The following UGT1A5 variants were observed in gnomAD, a reference collection of about 807,000 sequenced individuals.
UGT1A5 encodes UDP-glucuronosyltransferase 1A5.
In UGT1A5, 29 loss-of-function variants were observed where a neutral mutation model predicts 40.3. The ratio of observed to expected loss-of-function variants is 0.72; its 90% confidence interval spans 0.54 to 0.98. UGT1A5 has a LOEUF of 0.98. Ranked by LOEUF, UGT1A5 falls within the 50% of genes least tolerant of loss-of-function variation. The pLI is 0.00. For missense variants in UGT1A5, 678 were observed against 677.9 expected (o/e 1.00, Z 0.00); for synonymous variants, 257 against 262.5 (o/e 0.98, Z 0.20).
chr2:233,767,408 G>A (rs1042627267), intron 2 of UGT1A5, among the ~76,000 whole-genome samples: 3 of 152,112 alleles, frequency 2.0e-5, no homozygotes, highest in Non-Finnish European at 2.9e-5. Flanking sequence ...TTCTCTAAGA[G>A]ACTCAAAAGT....
At position 233,763,858 on chromosome 2, in the gene UGT1A5, C is replaced by T. The variant is rs577598991; in HGVS notation, c.868-3176C>T. ...GGGTAAGATAGCAGTGGTTCACAGA[C>T]AATCGCAATGCTGGGTCTGAGAAAA... On this transcript the variant is annotated intron_variant, in intron 1 of 4. Transcript: ENST00000373414. 5.1e-4 allele frequency among the ~76,000 whole-genome samples: 77 copies of T among 152,246 alleles called. 2 individuals carry two copies. The South Asian group carries it at 0.016, about 31-fold the overall frequency.
chr2:233,752,486 G>A (rs1051165548), intron 1 of UGT1A5: 1 of 152,154 alleles, frequency 6.6e-6, no homozygotes, highest in African/African-American at 2.4e-5. Context: ...TTATGTTTTT[G>A]AGATGAGACA....
chr2:233,730,522 G>A (rs45560734), intron 1 of UGT1A5, among the ~76,000 whole-genome samples: 4,919 of 152,208 alleles, frequency 0.032, 260 homozygotes, highest in African/African-American at 0.11. Flanking sequence ...TGGAAGTGGG[G>A]CAATGAAGTT....
chr2:233,717,731 T>C (rs923613930), intron 1 of UGT1A5: 5 of 456,000 alleles, frequency 1.1e-5, no homozygotes, highest in Non-Finnish European at 2.2e-5. Context: ...GAGACCATTG[T>C]GAGTGCTCAG....
chr2:233,729,788 C>G, intron 1 of UGT1A5: 1 of 1,613,954 alleles, frequency 6.2e-7, no homozygotes, highest in Non-Finnish European at 8.5e-7. Flanking sequence ...CTGGCCCTGT[C>G]CTACATTTGC....
rs186714678 is a variant in UGT1A5 at position 233,744,068 on chromosome 2, C to T, written c.868-22966C>T. On this transcript the variant is annotated intron_variant, in intron 1 of 4. Coordinates refer to ENST00000373414, the MANE Select transcript of UGT1A5 (RefSeq NM_019078.2). ...CATCTCATTGGTCGAGGCCTATGAG[C>T]GCCTCGCATCCCAAGATGCAGTGCT... is the stretch of plus-strand genomic sequence containing the variant. 2.4e-4 allele frequency: 123 copies of T among 517,010 alleles called. 1 individual carries two copies. Among genetic ancestry groups the T allele is most frequent in the African/African-American group, 1.6e-3 (78 of 49,160 alleles). 32.0% of individuals were successfully genotyped at this position (517,010 alleles called of 1,614,324 possible).
intron 1 of UGT1A5, among the ~76,000 whole-genome samples, chr2:233,725,586 A>T (rs1194596370): frequency 6.6e-6 from 1 of 152,166 alleles, no homozygotes; most frequent in Non-Finnish European, 1.5e-5. Flanking sequence ...TTATGACTTA[A>T]CTATTTGACA....
chr2:233,768,152 A>G, intron 3 of UGT1A5, 68 bp from the exon 4 acceptor site: 1 of 1,612,626 alleles, frequency 6.2e-7, no homozygotes, highest in Non-Finnish European at 8.5e-7. Flanking sequence ...TGTTTTCAGA[A>G]CCTAGATGTG....
At chr2:233,763,256 T>A (rs1698270689) in intron 1 of UGT1A5, among the ~76,000 whole-genome samples, 1 of 152,234 alleles carries the variant, frequency 6.6e-6, no homozygotes. Flanking sequence ...GTAACCTGTT[T>A]TGTCTTGTTG....
intron 1 of UGT1A5, among the ~76,000 whole-genome samples, chr2:233,716,864 C>T (rs1229406497): frequency 2.0e-5 from 3 of 152,102 alleles, no homozygotes; most frequent in Non-Finnish European, 2.9e-5. Context: ...GCTGATGGCT[C>T]CAAGTCTATC....
intron 1 of UGT1A5, chr2:233,743,844 TGCGGTACGC>T: frequency 7.3e-7 from 1 of 1,367,272 alleles, no homozygotes; most frequent in Non-Finnish European, 9.8e-7. Context: ...AGCGCCAGCT[TGCGGTACGC>T]CTTCTTGATG....
At chr2:233,760,175 C>T (rs2125979710) in intron 1 of UGT1A5, 1 of 1,540,768 alleles carries the variant, frequency 6.5e-7, no homozygotes, top group Non-Finnish European at 8.7e-7. Flanking sequence ...GGACTGACAG[C>T]TTTTTATAGT....
intron 1 of UGT1A5, chr2:233,747,358 G>T: frequency 6.2e-7 from 1 of 1,603,224 alleles, no homozygotes; most frequent in African/African-American, 1.3e-5. Context: ...GAGGCCGTGC[G>T]GGAGCTCCAT....
Position 233,746,095 on chromosome 2 carries a change from T to C in UGT1A5, c.868-20939T>C, listed in dbSNP as rs1329833739. On this transcript the variant is annotated intron_variant, in intron 1 of 4. Coordinates refer to ENST00000373414, the MANE Select transcript of UGT1A5 (RefSeq NM_019078.2). Reference sequence around the variant, plus strand: ...GAGGAGTCACTTCTATACAGAAACATGTCCAGAGTGCTTACTGTCTGCAAA... The same window carrying C: ...GAGGAGTCACTTCTATACAGAAACACGTCCAGAGTGCTTACTGTCTGCAAA... Among the ~76,000 whole-genome samples the C allele has an allele frequency of 2.0e-5, 3 of 151,920 alleles. No homozygotes were observed. The East Asian group carries it at 5.8e-4, about 29-fold the overall frequency.
Position 233,761,080 on chromosome 2 carries a change from C to T in UGT1A5, c.868-5954C>T, listed in dbSNP as rs760907397. On this transcript the variant is annotated intron_variant, in intron 1 of 4. Transcript: ENST00000373414. ...TAGAAGTGACTTTGTGAAGGATTAC[C>T]CTAGGCCCATCATGCCCAATATGGT... The T allele has an allele frequency of 5.0e-6, 8 of 1,614,034 alleles. No individual in the cohort carries two copies. The highest frequency in any genetic ancestry group is 1.3e-5 in the African/African-American group (1 of 74,910).
At chr2:233,717,067 A>C (rs1289809173) in intron 1 of UGT1A5, among the ~76,000 whole-genome samples, 2 of 152,174 alleles carry the variant, frequency 1.3e-5, no homozygotes, top group Non-Finnish European at 2.9e-5. Flanking sequence ...GGAGTGCCAG[A>C]CACGTAACCA....
At position 233,760,758 on chromosome 2, in the gene UGT1A5, C is replaced by T. The variant is rs765894633; in HGVS notation, c.868-6276C>T. The stretch of plus-strand genomic sequence containing the variant: ...TGACGGACCCTTTCCTTCCTTGCAG[C>T]CCCATCGTGGCCCAGTACCTGTCTC... On this transcript the variant is annotated intron_variant, in intron 1 of 4. Transcript: ENST00000373414. 28 of 1,613,982 alleles carry T rather than the reference C, an allele frequency of 1.7e-5. No homozygotes were observed. In the Admixed American group the frequency reaches 3.0e-4, roughly 17 times the overall value.
At chr2:233,744,002 G>C (rs1194406959) in intron 1 of UGT1A5, 1 of 1,192,502 alleles carries the variant, frequency 8.4e-7, no homozygotes, top group Admixed American at 2.7e-5. Flanking sequence ...AGTGCTCGGA[G>C]ACCTGGGCCG....
intron 1 of UGT1A5, chr2:233,719,064 G>A (rs745742855): frequency 1.1e-4 from 179 of 1,614,274 alleles, no homozygotes; most frequent in East Asian, 3.6e-4. Context: ...AGCCTATGCT[G>A]TTCCATGGAC....
Sources: gnomAD v4.1 joint callset for allele counts (sites outside exome capture counted in the v4.1 genomes callset) on GRCh38, gnomAD v4.1.1 for gene constraint, MANE v1.5 for transcripts, NCBI Gene and HGNC (gene_info 2026-07-23, HGNC 2026-07-21) for gene names.